Variants in PLCB4 observed in about 807,000 individuals in gnomAD.
PLCB4 encodes the protein phospholipase C beta 4.
PLCB4 carries 77 observed loss-of-function variants against 178.8 expected under a neutral mutation model. The observed-to-expected ratio is 0.43, with a 90% CI of 0.36 to 0.52. The LOEUF is 0.52. Among genes scored for constraint, PLCB4 ranks in the 20% least tolerant of loss-of-function variants. The pLI is 0.00. For synonymous variants in PLCB4, 496 were observed against 490.8 expected (o/e 1.01, Z -0.14); for missense variants, 1,024 against 1,453.4 (o/e 0.70, Z 4.80).
In PLCB4 at chr20:9,223,249, T is replaced by C. The variant is rs145689485; in HGVS notation, c.-16+5797T>C. 1.4e-3 allele frequency among the ~76,000 whole-genome samples: 220 copies of C among 152,280 alleles called. 1 individual carries two copies. The highest frequency in any genetic ancestry group is 5.0e-3 in the African/African-American group (207 of 41,560). ...TGTTACATATACAATGAGAAAGGTA[T>C]AGTTAGTGGCCAAACTGATACCAGA... On this transcript the variant is annotated intron_variant, in intron 3 of 39. Coordinates refer to ENST00000378473, the MANE Select transcript of PLCB4 (RefSeq NM_001377142.1).
At chr20:9,394,208 T>C (rs1041337972) in intron 18 of PLCB4, among the ~76,000 whole-genome samples, 2 of 152,168 alleles carry the variant, frequency 1.3e-5, no homozygotes, top group Non-Finnish European at 2.9e-5. Context: ...GTTCAGTGAA[T>C]TAATGGTATC....
At chr20:9,196,114 G>A (rs2093468968) in intron 2 of PLCB4, among the ~76,000 whole-genome samples, 1 of 152,164 alleles carries the variant, frequency 6.6e-6, no homozygotes, top group Non-Finnish European at 1.5e-5. Context: ...AGAATTTCAG[G>A]TACTGTAGTA....
At chr20:9,278,557 G>T (rs1353385303) in intron 3 of PLCB4, among the ~76,000 whole-genome samples, 1 of 151,952 alleles carries the variant, frequency 6.6e-6, no homozygotes, top group African/African-American at 2.4e-5. Context: ...TTACTCCAGC[G>T]AGCTCTCTCA....
intron 2 of PLCB4, among the ~76,000 whole-genome samples, chr20:9,188,417 T>A (rs1002965092): frequency 1.3e-5 from 2 of 152,214 alleles, no homozygotes; most frequent in African/African-American, 2.4e-5. Flanking sequence ...GTAGGACTGG[T>A]TGATTCAGAG....
rs76547806 is a variant in PLCB4 at position 9,233,593 on chromosome 20, T to G, written c.-16+16141T>G. Among the ~76,000 whole-genome samples, 344 of 152,256 alleles carry G rather than the reference T, an allele frequency of 2.3e-3. 2 individuals are homozygous for G. The highest frequency in any genetic ancestry group is 8.0e-3 in the African/African-American group (333 of 41,560). On this transcript the variant is annotated intron_variant, in intron 3 of 39. Transcript: ENST00000378473. ...GTACTATGAAGGTAATGTTTGAGCTTAGATCCAAATGATGAGAAAGAGCCA... is the reference window on the plus strand; with the variant it reads ...GTACTATGAAGGTAATGTTTGAGCTGAGATCCAAATGATGAGAAAGAGCCA...
At chr20:9,105,065 A>G (rs1048110689) in intron 2 of PLCB4, among the ~76,000 whole-genome samples, 1 of 152,168 alleles carries the variant, frequency 6.6e-6, no homozygotes, top group African/African-American at 2.4e-5. Context: ...GTGAATGAAG[A>G]TATGAATGAA....
chr20:9,241,428 TC>T (rs2094060622), intron 3 of PLCB4, among the ~76,000 whole-genome samples: 1 of 149,832 alleles, frequency 6.7e-6, no homozygotes, highest in Non-Finnish European at 1.5e-5. Context: ...ACTCACTCAC[TC>T]CAAACCACAC....
chr20:9,088,118 A>G (rs1461300688), intron 1 of PLCB4, among the ~76,000 whole-genome samples: 1 of 151,876 alleles, frequency 6.6e-6, no homozygotes, highest in Non-Finnish European at 1.5e-5. Flanking sequence ...GGCAGGGAAT[A>G]GAATATCAGC....
chr20:9,259,023 AT>A (rs1266279484), intron 3 of PLCB4, among the ~76,000 whole-genome samples: 11 of 152,232 alleles, frequency 7.2e-5, no homozygotes, highest in African/African-American at 2.4e-4. Context: ...GACAATAGTT[AT>A]TTGGCAAATC....
chr20:9,416,078 T>C (rs2040222508), intron 25 of PLCB4, among the ~76,000 whole-genome samples: 1 of 152,174 alleles, frequency 6.6e-6, no homozygotes, highest in Non-Finnish European at 1.5e-5. Flanking sequence ...TTTACTCTCT[T>C]CAAGTATACA....
At chr20:9,183,049 T>G (rs2093272610) in intron 2 of PLCB4, among the ~76,000 whole-genome samples, 2 of 152,072 alleles carry the variant, frequency 1.3e-5, no homozygotes, top group Admixed American at 1.3e-4. Context: ...GAAGAATCTG[T>G]CTGTGTCTAT....
chr20:9,296,470 A>G (rs1197137440), intron 3 of PLCB4, among the ~76,000 whole-genome samples: 1 of 152,182 alleles, frequency 6.6e-6, no homozygotes, highest in South Asian at 2.1e-4. Flanking sequence ...GGGATCTAGA[A>G]CTAGAAATAC....
At chr20:9,321,538 C>T (rs570782039) in intron 4 of PLCB4, among the ~76,000 whole-genome samples, 1 of 152,218 alleles carries the variant, frequency 6.6e-6, no homozygotes, top group East Asian at 1.9e-4. Context: ...TAGTCTAGTT[C>T]TCTTAGGGAA....
intron 3 of PLCB4, among the ~76,000 whole-genome samples, chr20:9,307,533 A>T (rs970994474): frequency 4.1e-5 from 6 of 144,598 alleles, no homozygotes; most frequent in Non-Finnish European, 6.2e-5. Context: ...ACACACACAC[A>T]CACACACACA....
At chr20:9,450,135 G>A (rs548963742) in intron 32 of PLCB4, among the ~76,000 whole-genome samples, 26 of 152,284 alleles carry the variant, frequency 1.7e-4, no homozygotes, top group Admixed American at 1.6e-3. Context: ...TCCCAGTTAA[G>A]ATTTACTTTA....
At chr20:9,074,770 G>T (rs1416386506) in intron 1 of PLCB4, among the ~76,000 whole-genome samples, 1 of 148,006 alleles carries the variant, frequency 6.8e-6, no homozygotes, top group Non-Finnish European at 1.5e-5. Flanking sequence ...CTGTCCCCAG[G>T]GTATCTGTCT....
chr20:9,318,844 A>G (rs2094929010), intron 4 of PLCB4, among the ~76,000 whole-genome samples: 1 of 152,234 alleles, frequency 6.6e-6, no homozygotes, highest in Non-Finnish European at 1.5e-5. Context: ...ATTAAACACA[A>G]TGGCTAAAAT....
chr20:9,240,674 A>G (rs1364986040), intron 3 of PLCB4, among the ~76,000 whole-genome samples: 1 of 151,994 alleles, frequency 6.6e-6, no homozygotes, highest in African/African-American at 2.4e-5. Context: ...TTGGTCTCTG[A>G]TTGCACATTT....
intron 31 of PLCB4, 23 bp downstream of exon 31, chr20:9,444,053 CA>C: frequency 6.4e-7 from 1 of 1,567,904 alleles, no homozygotes; most frequent in Non-Finnish European, 8.8e-7. Flanking sequence ...GACTATTTTG[CA>C]AGCACTCTTG....
Sources: gnomAD v4.1 joint callset for allele counts (sites outside exome capture counted in the v4.1 genomes callset) on GRCh38, gnomAD v4.1.1 for gene constraint, MANE v1.5 for transcripts, NCBI Gene and HGNC (gene_info 2026-07-23, HGNC 2026-07-21) for gene names.